Variants in STAU2 observed in about 807,000 individuals in gnomAD.
The protein encoded by STAU2 is double-stranded RNA-binding protein Staufen homolog 2.
A neutral mutation model predicts 65.9 loss-of-function variants in STAU2; 20 were observed. The observed-to-expected ratio is 0.30, with a 90% CI of 0.21 to 0.44. The LOEUF (loss-of-function observed/expected upper bound fraction) is 0.44. Ranked by LOEUF, STAU2 falls within the 20% of genes least tolerant of loss-of-function variation. STAU2 has a pLI of 1.00. For missense variants in STAU2, 558 were observed against 683.9 expected (o/e 0.82, Z 2.05); for synonymous variants, 232 against 233.9 (o/e 0.99, Z 0.07).
At chr8:73,625,751 C>G (rs968635247) in intron 6 of STAU2, among the ~76,000 whole-genome samples, 1 of 152,092 alleles carries the variant, frequency 6.6e-6, no homozygotes, top group Non-Finnish European at 1.5e-5. Context: ...AATGTTGATA[C>G]TCCCTAGGGT....
At chr8:73,442,103 C>A (rs1371008776) in intron 13 of STAU2, among the ~76,000 whole-genome samples, 1 of 151,998 alleles carries the variant, frequency 6.6e-6, no homozygotes, top group Non-Finnish European at 1.5e-5. Context: ...ACCTGTAATC[C>A]CAGCACTTTG....
At chr8:73,590,423 G>A (rs1422515870) in intron 11 of STAU2, among the ~76,000 whole-genome samples, 1 of 152,086 alleles carries the variant, frequency 6.6e-6, no homozygotes, top group East Asian at 1.9e-4. Context: ...AGACAAGGGA[G>A]CAAGATCTTT....
At chr8:73,689,271 A>G (rs1434772763) in intron 4 of STAU2, among the ~76,000 whole-genome samples, 2 of 152,208 alleles carry the variant, frequency 1.3e-5, no homozygotes, top group African/African-American at 4.8e-5. Flanking sequence ...ATATTATACT[A>G]CCAAAAAACT....
rs1051653242 is a variant in STAU2 at position 73,608,062 on chromosome 8, G to T, written c.892-4199C>A. 1.3e-5 allele frequency among the ~76,000 whole-genome samples: 2 copies of T among 152,118 alleles called. 1 individual carries two copies. Among genetic ancestry groups the T allele is most frequent in the Non-Finnish European group, 2.9e-5 (2 of 68,010 alleles). ...ACAGCATCCAGGCAGATCCCTCATG[G>T]TCTTTCAAACTATGTTTAGGATTTT... On this transcript the variant is annotated intron_variant, in intron 9 of 14. Transcript: ENST00000524300.
chr8:73,537,597 A>C (rs562017453), intron 13 of STAU2, among the ~76,000 whole-genome samples: 1 of 152,372 alleles, frequency 6.6e-6, no homozygotes, highest in African/African-American at 2.4e-5. Flanking sequence ...GTCAGCCCAG[A>C]CTTTTATATC....
intron 13 of STAU2, among the ~76,000 whole-genome samples, chr8:73,532,532 T>G (rs1236477827): frequency 6.6e-6 from 1 of 151,984 alleles, no homozygotes; most frequent in Non-Finnish European, 1.5e-5. Context: ...ACAAAAAAAA[T>G]TAGACAGGTG....
intron 13 of STAU2, among the ~76,000 whole-genome samples, chr8:73,430,539 T>C (rs1817191795): frequency 6.6e-6 from 1 of 152,184 alleles, no homozygotes; most frequent in Non-Finnish European, 1.5e-5. Context: ...TTCTACAGGA[T>C]CATGCCAATA....
intron 4 of STAU2, among the ~76,000 whole-genome samples, chr8:73,691,669 C>T (rs1480112954): frequency 2.0e-5 from 3 of 152,108 alleles, no homozygotes; most frequent in Non-Finnish European, 2.9e-5. Context: ...CAGTATCTCT[C>T]CCCTAAACTA....
intron 6 of STAU2, among the ~76,000 whole-genome samples, chr8:73,659,459 C>G (rs1230919800): frequency 2.6e-5 from 4 of 152,184 alleles, no homozygotes; most frequent in East Asian, 3.8e-4. Flanking sequence ...ATTGCTTGAA[C>G]CCGGGAGGCG....
chr8:73,584,416 CTAAG>C (rs1361927746), intron 11 of STAU2, among the ~76,000 whole-genome samples: 6 of 152,104 alleles, frequency 3.9e-5, no homozygotes, highest in Non-Finnish European at 8.8e-5. Flanking sequence ...TGCTAATGCG[CTAAG>C]TGTTTTGCAT....
chr8:73,526,117 G>T (rs1426184118), intron 13 of STAU2, among the ~76,000 whole-genome samples: 1 of 152,134 alleles, frequency 6.6e-6, no homozygotes, highest in African/African-American at 2.4e-5. Context: ...TTTATTTTTG[G>T]TTGGGCTCAT....
intron 6 of STAU2, among the ~76,000 whole-genome samples, chr8:73,650,834 T>TC (rs554191626): frequency 1.2e-4 from 19 of 152,098 alleles, no homozygotes; most frequent in African/African-American, 4.6e-4. Flanking sequence ...CCTTTTCAGT[T>TC]CCCAAGAAGA....
chr8:73,738,395 C>G (rs935481481), intron 2 of STAU2, 46 bp from the exon 3 acceptor site: 2 of 1,369,938 alleles, frequency 1.5e-6, no homozygotes, highest in Admixed American at 2.2e-5. Flanking sequence ...AGCTGATAAC[C>G]TCAATGACTG....
intron 13 of STAU2, among the ~76,000 whole-genome samples, chr8:73,495,668 T>TAC (rs1334553179): frequency 1.7e-4 from 9 of 53,834 alleles, no homozygotes; most frequent in South Asian, 5.2e-4. Context: ...GCCAAATATA[T>TAC]ATATATATAT....
intron 3 of STAU2, among the ~76,000 whole-genome samples, chr8:73,732,201 C>T (rs1806118832): frequency 6.6e-6 from 1 of 152,198 alleles, no homozygotes; most frequent in Non-Finnish European, 1.5e-5. Flanking sequence ...TGGCAGGAGG[C>T]CTCAGTTTCC....
intron 13 of STAU2, among the ~76,000 whole-genome samples, chr8:73,501,568 A>C (rs1821753601): frequency 1.3e-5 from 2 of 151,926 alleles, no homozygotes; most frequent in Non-Finnish European, 2.9e-5. Context: ...CCAGACTCTA[A>C]ACCTCTAAAG....
chr8:73,457,831 C>T (rs941492321), intron 13 of STAU2, among the ~76,000 whole-genome samples: 2 of 152,148 alleles, frequency 1.3e-5, no homozygotes, highest in Admixed American at 6.5e-5. Context: ...TAATTGCCAC[C>T]CTGGGCTGGG....
chr8:73,492,996 C>G (rs1289433390), intron 13 of STAU2, among the ~76,000 whole-genome samples: 2 of 150,866 alleles, frequency 1.3e-5, no homozygotes, highest in African/African-American at 4.9e-5. Context: ...ACAGAGAACC[C>G]AGAAACAGAC....
At position 73,656,561 on chromosome 8, in the gene STAU2, A is replaced by T. The variant is rs538296225; in HGVS notation, c.410+16546T>A. Among the ~76,000 whole-genome samples the T allele has an allele frequency of 2.6e-5, 4 of 152,362 alleles. No homozygotes were observed. The South Asian group carries it at 8.3e-4, about 32-fold the overall frequency. On this transcript the variant is annotated intron_variant, in intron 6 of 14. Coordinates refer to ENST00000524300, the MANE Select transcript of STAU2 (RefSeq NM_001164380.2). ...TATACCTGCTATTGTTTCCCTTAGC[A>T]GTTTAATTTTATATAGTCCAAAAGG...
Sources: gnomAD v4.1 joint callset for allele counts (sites outside exome capture counted in the v4.1 genomes callset) on GRCh38, gnomAD v4.1.1 for gene constraint, MANE v1.5 for transcripts, NCBI Gene and HGNC (gene_info 2026-07-23, HGNC 2026-07-21) for gene names.